Variants in DLGAP1 observed in about 807,000 individuals in gnomAD.
The protein encoded by DLGAP1 is DLG associated protein 1.
In DLGAP1, 11 loss-of-function variants were observed where a neutral mutation model predicts 90.8. The ratio of observed to expected loss-of-function variants is 0.12; its 90% CI spans 0.08 to 0.20. The LOEUF (loss-of-function observed/expected upper bound fraction) is 0.20. Ranked by LOEUF, DLGAP1 falls within the 10% of genes least tolerant of loss-of-function variation. The pLI is 1.00. For synonymous variants in DLGAP1, 558 were observed against 540.7 expected (o/e 1.03, Z -0.44); for missense variants, 1,050 against 1,333.8 (o/e 0.79, Z 3.31).
At chr18:4,303,681 G>A (rs961027738) in intron 1 of DLGAP1, among the ~76,000 whole-genome samples, 1 of 152,156 alleles carries the variant, frequency 6.6e-6, no homozygotes, top group Admixed American at 6.5e-5. Flanking sequence ...AATGAACCCT[G>A]GTGTGGCACC....
At chr18:3,892,586 T>C (rs1168005771) in intron 3 of DLGAP1, among the ~76,000 whole-genome samples, 2 of 152,136 alleles carry the variant, frequency 1.3e-5, no homozygotes, top group East Asian at 3.8e-4. Context: ...TACGATCTAG[T>C]TGAGAAAATA....
chr18:4,106,495 C>T (rs952910991), intron 2 of DLGAP1, among the ~76,000 whole-genome samples: 8 of 151,728 alleles, frequency 5.3e-5, no homozygotes, highest in Admixed American at 3.9e-4. Context: ...TTAAGTTTGA[C>T]CACTGCATTG....
intron 2 of DLGAP1, among the ~76,000 whole-genome samples, chr18:4,030,191 C>A (rs1179880587): frequency 1.3e-5 from 2 of 152,134 alleles, no homozygotes. Flanking sequence ...TGGGGTTTCA[C>A]CATGTTGGTC....
intron 7 of DLGAP1, among the ~76,000 whole-genome samples, chr18:3,583,176 A>ACCTTCCTT (rs1198815501): frequency 4.7e-4 from 62 of 132,026 alleles, no homozygotes; most frequent in African/African-American, 1.9e-3. Context: ...CTACCTACCT[A>ACCTTCCTT]CCTACCTACC....
intron 9 of DLGAP1, among the ~76,000 whole-genome samples, chr18:3,564,213 G>A (rs373782785): frequency 6.6e-6 from 1 of 152,356 alleles, no homozygotes; most frequent in Non-Finnish European, 1.5e-5. Context: ...AGGTGTGTGT[G>A]AGGGAAAAGT....
intron 1 of DLGAP1, among the ~76,000 whole-genome samples, chr18:4,158,616 T>A (rs560727972): frequency 6.6e-6 from 1 of 152,190 alleles, no homozygotes; most frequent in Non-Finnish European, 1.5e-5. Context: ...CTCCTCAACG[T>A]CTTCTCTCAT....
intron 7 of DLGAP1, among the ~76,000 whole-genome samples, chr18:3,602,419 C>T (rs7235702): frequency 0.74 from 112,406 of 151,606 alleles, 42,100 homozygotes; most frequent in Middle Eastern, 0.82. Flanking sequence ...GACAGTGAAA[C>T]CCCGTCTCTG....
chr18:3,689,891 G>T (rs1355566099), intron 7 of DLGAP1, among the ~76,000 whole-genome samples: 1 of 152,012 alleles, frequency 6.6e-6, no homozygotes, highest in Non-Finnish European at 1.5e-5. Context: ...TTCTTAAGAG[G>T]TTTACAACCT....
intron 10 of DLGAP1, among the ~76,000 whole-genome samples, chr18:3,511,944 G>C (rs983143328): frequency 6.6e-6 from 1 of 152,090 alleles, no homozygotes; most frequent in African/African-American, 2.4e-5. Flanking sequence ...TGTTAGACTG[G>C]GGCAATCTCA....
At chr18:3,746,524 A>G (rs1403270221) in intron 5 of DLGAP1, among the ~76,000 whole-genome samples, 1 of 152,214 alleles carries the variant, frequency 6.6e-6, no homozygotes, top group Admixed American at 6.5e-5. Flanking sequence ...AATGTTAAGA[A>G]AAATAGTCAT....
chr18:4,017,523 A>G (rs2074542782), intron 2 of DLGAP1, among the ~76,000 whole-genome samples: 1 of 152,242 alleles, frequency 6.6e-6, no homozygotes, highest in African/African-American at 2.4e-5. Context: ...CCTCAAGCAC[A>G]TACCCAAAAA....
At chr18:4,372,869 C>G (rs533110008) in intron 1 of DLGAP1, among the ~76,000 whole-genome samples, 69 of 151,086 alleles carry the variant, frequency 4.6e-4, no homozygotes, top group African/African-American at 1.7e-3. Flanking sequence ...CAGAGGTTGC[C>G]GTGAGCCGAG....
chr18:3,789,903 G>A (rs1283882356), intron 5 of DLGAP1, among the ~76,000 whole-genome samples: 1 of 152,140 alleles, frequency 6.6e-6, no homozygotes, highest in African/African-American at 2.4e-5. Flanking sequence ...TATTTTTAAT[G>A]GTCAGAAGCT....
intron 2 of DLGAP1, among the ~76,000 whole-genome samples, chr18:4,102,107 T>G (rs1335601260): frequency 6.6e-6 from 1 of 152,162 alleles, no homozygotes; most frequent in South Asian, 2.1e-4. Flanking sequence ...ATAAGAAATT[T>G]TGAAAATAAT....
Position 4,368,682 on chromosome 18 carries a change from CAT to C in DLGAP1, c.-267+86322_-267+86323del, listed in dbSNP as rs1241733612. Reference sequence around the variant, plus strand: ...ACACACACACACACACACACACACACATCCTATTGGTTCTGTTTCTCTAGAGA... The same window carrying C: ...ACACACACACACACACACACACACACCCTATTGGTTCTGTTTCTCTAGAGA... On this transcript the variant is annotated intron_variant, in intron 1 of 12. Transcript: ENST00000315677. 1.0e-4 allele frequency among the ~76,000 whole-genome samples: 13 copies of C among 126,010 alleles called. No homozygotes were observed. In the East Asian group the frequency reaches 2.8e-3, roughly 28 times the overall value. 82.7% of individuals were successfully genotyped at this position (126,010 alleles called of 152,430 possible). A position where few individuals can be genotyped will look rare whatever the true frequency, so the allele number is the denominator to read the frequency against.
At chr18:3,525,785 A>G (rs2051578422) in intron 10 of DLGAP1, among the ~76,000 whole-genome samples, 1 of 152,210 alleles carries the variant, frequency 6.6e-6, no homozygotes, top group South Asian at 2.1e-4. Flanking sequence ...TCTCTTTGCC[A>G]TCTCTGGAAT....
chr18:3,589,975 G>A (rs765206597), intron 7 of DLGAP1, among the ~76,000 whole-genome samples: 5 of 152,116 alleles, frequency 3.3e-5, no homozygotes, highest in African/African-American at 9.7e-5. Context: ...CAATGGCACC[G>A]TCTCGGCTCA....
At chr18:4,153,782 C>T (rs1042755904) in intron 1 of DLGAP1, among the ~76,000 whole-genome samples, 3 of 152,110 alleles carry the variant, frequency 2.0e-5, no homozygotes, top group African/African-American at 7.2e-5. Flanking sequence ...CCTGCTGAGT[C>T]CCTTTCTTTG....
intron 2 of DLGAP1, among the ~76,000 whole-genome samples, chr18:4,124,639 T>C (rs897880295): frequency 6.6e-6 from 1 of 152,236 alleles, no homozygotes; most frequent in Admixed American, 6.5e-5. Flanking sequence ...TAGTCACCAT[T>C]AAAAGTGTTA....
Sources: gnomAD v4.1 joint callset for allele counts (sites outside exome capture counted in the v4.1 genomes callset) on GRCh38, gnomAD v4.1.1 for gene constraint, MANE v1.5 for transcripts, NCBI Gene and HGNC (gene_info 2026-07-23, HGNC 2026-07-21) for gene names.